Variants in DAB1 observed in about 807,000 individuals in gnomAD.
DAB1 encodes the protein disabled homolog 1.
In DAB1, 15 loss-of-function variants were observed where a neutral mutation model predicts 64.6. That is an observed-to-expected ratio of 0.23 (90% CI 0.16 to 0.36). The LOEUF is 0.36. DAB1 is among the 10% of genes least tolerant of loss of function. The probability of loss-of-function intolerance (pLI) is 1.00; values close to 1 mark genes in which losing one functional copy is unlikely to be tolerated. For missense variants in DAB1, 596 were observed against 706.7 expected (o/e 0.84, Z 1.78); for synonymous variants, 235 against 251.9 (o/e 0.93, Z 0.64).
At chr1:58,293,758 G>A (rs899025148) in intron 4 of DAB1, among the ~76,000 whole-genome samples, 2 of 152,200 alleles carry the variant, frequency 1.3e-5, no homozygotes, top group African/African-American at 4.8e-5. Context: ...CCTTCCTTTT[G>A]TTGAACTGTC....
In DAB1 at chr1:57,529,430, G is replaced by GAT. The variant is rs986083802; in HGVS notation, n.625+120160_625+120161dup. On this transcript the variant is annotated intron_variant and non_coding_transcript_variant, in intron 7 of 20. Transcript: ENST00000485760. ...GACTAAATACCATGTAAAAAGCAAA[G>GAT]ATTGTCTGACTGGATAGTGGGACAA... Among the ~76,000 whole-genome samples, 172 of 152,168 alleles carry GAT rather than the reference G, an allele frequency of 1.1e-3. 1 individual carries two copies. Among genetic ancestry groups the GAT allele is most frequent in the African/African-American group, 3.8e-3 (157 of 41,534 alleles).
chr1:58,172,096 C>A (rs1656206463), intron 4 of DAB1, among the ~76,000 whole-genome samples: 1 of 152,122 alleles, frequency 6.6e-6, no homozygotes, highest in African/African-American at 2.4e-5. Flanking sequence ...TCAAGGAGAA[C>A]CAGAGGGCAA....
chr1:58,490,793 TTC>T (rs1216144322), intron 3 of DAB1, among the ~76,000 whole-genome samples: 32 of 114,882 alleles, frequency 2.8e-4, no homozygotes, highest in African/African-American at 1.2e-3. Context: ...ATAGTCAACA[TTC>T]TTTTTTTTTT....
At chr1:57,844,657 C>A (rs1653198218) in intron 1 of DAB1, among the ~76,000 whole-genome samples, 1 of 152,198 alleles carries the variant, frequency 6.6e-6, no homozygotes, top group African/African-American at 2.4e-5. Context: ...GTTCTACGGA[C>A]AGCTTCATGG....
intron 6 of DAB1, among the ~76,000 whole-genome samples, chr1:57,780,490 C>T (rs1401347922): frequency 1.3e-5 from 2 of 152,020 alleles, no homozygotes; most frequent in South Asian, 4.1e-4. Context: ...TTTCTTTACT[C>T]TGCACTCAAA....
At chr1:58,415,760 G>T (rs1644713828) in intron 3 of DAB1, among the ~76,000 whole-genome samples, 1 of 152,206 alleles carries the variant, frequency 6.6e-6, no homozygotes, top group Admixed American at 6.5e-5. Flanking sequence ...TGCCCTCAGT[G>T]AGTCTCCATT....
intron 5 of DAB1, among the ~76,000 whole-genome samples, chr1:58,107,406 G>C (rs1255275917): frequency 1.3e-5 from 2 of 150,446 alleles, no homozygotes; most frequent in Non-Finnish European, 3.0e-5. Context: ...AGGAGGCGGA[G>C]TTTGCAGTGA....
intron 4 of DAB1, among the ~76,000 whole-genome samples, chr1:57,079,725 A>G (rs987734551): frequency 6.6e-6 from 1 of 152,144 alleles, no homozygotes; most frequent in Admixed American, 6.5e-5. Context: ...CACCACGCTC[A>G]GGTTTTTGCA....
intron 12 of DAB1, among the ~76,000 whole-genome samples, chr1:57,013,525 C>T (rs1646328670): frequency 6.6e-6 from 1 of 152,114 alleles, no homozygotes; most frequent in African/African-American, 2.4e-5. Context: ...GGCCTGAGTG[C>T]AAGTGGGTTG....
At chr1:58,247,607 G>T (rs966643073) in intron 4 of DAB1, among the ~76,000 whole-genome samples, 2 of 152,318 alleles carry the variant, frequency 1.3e-5, no homozygotes, top group African/African-American at 4.8e-5. Context: ...AGTCCAGGCT[G>T]CAAGTCTACC....
intron 2 of DAB1, among the ~76,000 whole-genome samples, chr1:57,147,197 T>C (rs1659228748): frequency 6.6e-6 from 1 of 151,930 alleles, no homozygotes; most frequent in Non-Finnish European, 1.5e-5. Context: ...TACTTGGCTA[T>C]ATTTTTGTAG....
chr1:58,067,850 T>C (rs981322718), intron 5 of DAB1, among the ~76,000 whole-genome samples: 1 of 152,188 alleles, frequency 6.6e-6, no homozygotes, highest in Non-Finnish European at 1.5e-5. Flanking sequence ...GTATTGGGGA[T>C]AATGAGTGTT....
At chr1:57,289,673 A>G (rs995799613) in intron 2 of DAB1, among the ~76,000 whole-genome samples, 1 of 152,192 alleles carries the variant, frequency 6.6e-6, no homozygotes, top group African/African-American at 2.4e-5. Flanking sequence ...ATCACAAAAC[A>G]TAACTGGGCA....
At chr1:58,327,620 C>T (rs952494512) in intron 4 of DAB1, among the ~76,000 whole-genome samples, 1 of 152,154 alleles carries the variant, frequency 6.6e-6, no homozygotes, top group Admixed American at 6.5e-5. Flanking sequence ...AATAGTACTG[C>T]TTCACAGGGT....
chr1:58,439,684 T>C (rs557785238), intron 3 of DAB1, among the ~76,000 whole-genome samples: 9 of 152,318 alleles, frequency 5.9e-5, no homozygotes, highest in African/African-American at 2.2e-4. Flanking sequence ...ACAGAGAGAC[T>C]GAATAATTTG....
intron 14 of DAB1, among the ~76,000 whole-genome samples, chr1:57,006,988 T>C (rs146645136): frequency 2.0e-4 from 31 of 152,170 alleles, no homozygotes; most frequent in Middle Eastern, 3.4e-3. Context: ...GTTTCTTCCT[T>C]TCTTTCCTTT....
rs1276314604 is a variant in DAB1 at position 58,027,790 on chromosome 1, C to CA, written n.387+122720dup. 2.6e-5 allele frequency among the ~76,000 whole-genome samples: 4 copies of CA among 151,804 alleles called. No homozygotes were observed. The East Asian group carries it at 7.7e-4, about 29-fold the overall frequency. ...GGCATGAGGTTAGCACTGGGCCTGACAAAAAAATCATAATAATGGGTGTTT... is the reference window on the plus strand; with the variant it reads ...GGCATGAGGTTAGCACTGGGCCTGACAAAAAAAATCATAATAATGGGTGTTT... On this transcript the variant is annotated intron_variant and non_coding_transcript_variant, in intron 5 of 20. Transcript: ENST00000485760.
chr1:57,814,912 G>A (rs947546575), intron 6 of DAB1, among the ~76,000 whole-genome samples: 1 of 152,162 alleles, frequency 6.6e-6, no homozygotes, highest in African/African-American at 2.4e-5. Flanking sequence ...GGAATGGCAA[G>A]CACTACCTAC....
chr1:57,355,397 C>G (rs1025518311), intron 1 of DAB1, among the ~76,000 whole-genome samples: 1 of 151,314 alleles, frequency 6.6e-6, no homozygotes, highest in African/African-American at 2.4e-5. Flanking sequence ...TCCTTCCGTC[C>G]TTCCGTCCTT....
Sources: gnomAD v4.1 joint callset for allele counts (sites outside exome capture counted in the v4.1 genomes callset) on GRCh38, gnomAD v4.1.1 for gene constraint, MANE v1.5 for transcripts, NCBI Gene and HGNC (gene_info 2026-07-23, HGNC 2026-07-21) for gene names.